Variants in PCDH15 observed in about 807,000 individuals in gnomAD.
The protein encoded by PCDH15 is protocadherin-15.
In PCDH15, 129 loss-of-function variants were observed where a neutral mutation model predicts 178.5. The observed-to-expected ratio is 0.72, with a 90% CI of 0.63 to 0.84. The LOEUF (loss-of-function observed/expected upper bound fraction) is 0.84. PCDH15 is among the 40% of genes least tolerant of loss of function. PCDH15 has a pLI of 0.00. For synonymous variants in PCDH15, 800 were observed against 732.0 expected (o/e 1.09, Z -1.50); for missense variants, 2,230 against 2,099.9 (o/e 1.06, Z -1.21).
intron 1 of PCDH15, among the ~76,000 whole-genome samples, chr10:55,215,075 T>C (rs1840669858): frequency 1.3e-5 from 2 of 152,036 alleles, no homozygotes; most frequent in African/African-American, 2.4e-5. Context: ...TTAAGTAGAG[T>C]TTGAAGTTGA....
intron 25 of PCDH15, among the ~76,000 whole-genome samples, chr10:53,929,461 A>G (rs181410485): frequency 2.3e-3 from 355 of 152,240 alleles, no homozygotes; most frequent in African/African-American, 7.8e-3. Flanking sequence ...AGTTTCTAAA[A>G]CAGTGGCCAT....
At chr10:54,161,264 CATT>C (rs1163965966) in intron 13 of PCDH15, among the ~76,000 whole-genome samples, 8 of 152,094 alleles carry the variant, frequency 5.3e-5, no homozygotes, top group African/African-American at 1.9e-4. Flanking sequence ...GCTACATAAA[CATT>C]ATGCTATTTA....
At chr10:54,522,379 C>T (rs1411231287) in intron 3 of PCDH15, among the ~76,000 whole-genome samples, 1 of 152,198 alleles carries the variant, frequency 6.6e-6, no homozygotes, top group African/African-American at 2.4e-5. Context: ...CAGCTATCTT[C>T]TTGCCATTTC....
At chr10:55,527,420 T>C (rs1841324606) in intron 2 of PCDH15, among the ~76,000 whole-genome samples, 1 of 152,026 alleles carries the variant, frequency 6.6e-6, no homozygotes, top group Admixed American at 6.6e-5. Flanking sequence ...AGTGTCTATG[T>C]CCAAAGTACT....
chr10:54,307,619 C>T (rs1163030045), intron 8 of PCDH15, among the ~76,000 whole-genome samples: 1 of 151,912 alleles, frequency 6.6e-6, no homozygotes, highest in Non-Finnish European at 1.5e-5. Flanking sequence ...GCTCCCCCTC[C>T]CCAAAGTCAT....
intron 8 of PCDH15, among the ~76,000 whole-genome samples, chr10:54,255,960 AACTC>A (rs1208044714): frequency 6.6e-6 from 1 of 152,112 alleles, no homozygotes; most frequent in East Asian, 1.9e-4. Context: ...GAATAACTTA[AACTC>A]CTTATATGAA....
chr10:54,419,690 C>T (rs1954972384), intron 3 of PCDH15, among the ~76,000 whole-genome samples: 1 of 152,100 alleles, frequency 6.6e-6, no homozygotes, highest in South Asian at 2.1e-4. Context: ...CAACAATGTG[C>T]AGTTATTTCT....
chr10:54,416,397 T>TA lies in PCDH15; in HGVS notation c.158-37456dup, dbSNP rs572042173. ...AGTGTTTGGTTTTCTGTTCCTGTGTTAGTTTGTTGGGCATGATATCTTCGA... is the reference window on the plus strand; with the variant it reads ...AGTGTTTGGTTTTCTGTTCCTGTGTTAAGTTTGTTGGGCATGATATCTTCGA... On this transcript the variant is annotated intron_variant, in intron 3 of 37. Coordinates refer to ENST00000644397, the MANE Select transcript of PCDH15 (RefSeq NM_001384140.1). Among the ~76,000 whole-genome samples, 347 of 152,158 alleles carry TA rather than the reference T, an allele frequency of 2.3e-3. 2 individuals are homozygous for TA. Among genetic ancestry groups the TA allele is most frequent in the Middle Eastern group, 6.8e-3 (2 of 294 alleles).
At chr10:53,918,713 AACACACAC>A (rs5741702) in intron 25 of PCDH15, among the ~76,000 whole-genome samples, 7,487 of 146,772 alleles carry the variant, frequency 0.051, 240 homozygotes, top group African/African-American at 0.11. Flanking sequence ...CAAATACACA[AACACACAC>A]ACACACACAC....
intron 2 of PCDH15, among the ~76,000 whole-genome samples, chr10:55,569,046 A>C (rs1327887199): frequency 6.6e-6 from 1 of 152,042 alleles, no homozygotes; most frequent in Non-Finnish European, 1.5e-5. Flanking sequence ...TCCTCCTTTG[A>C]AGAGGCAATA....
At chr10:54,615,188 AAT>A (rs1303361127) in intron 2 of PCDH15, among the ~76,000 whole-genome samples, 1 of 152,056 alleles carries the variant, frequency 6.6e-6, no homozygotes, top group African/African-American at 2.4e-5. Context: ...ACACGCATTA[AAT>A]AAGTGGTAAA....
At chr10:54,755,676 T>A (rs10763139) in intron 1 of PCDH15, among the ~76,000 whole-genome samples, 75,994 of 151,838 alleles carry the variant, frequency 0.5, 19,575 homozygotes, top group Middle Eastern at 0.67. Flanking sequence ...ATTAATCTAA[T>A]CATGCTCATA....
chr10:55,508,191 TA>T (rs1334308596), intron 2 of PCDH15, among the ~76,000 whole-genome samples: 2 of 151,728 alleles, frequency 1.3e-5, no homozygotes, highest in African/African-American at 2.4e-5. Flanking sequence ...TAGCATGACT[TA>T]AGAAAATAAC....
At position 53,921,344 on chromosome 10, in the gene PCDH15, A is replaced by C. The variant is rs76743900; in HGVS notation, c.3373+17471T>G. ...AAGTAATATGCCACCCCTCTACACC[A>C]ACCTTACCAAGCACTTCATTCAACC... is the stretch of plus-strand genomic sequence containing the variant. On this transcript the variant is annotated intron_variant, in intron 25 of 37. Coordinates refer to ENST00000644397, the MANE Select transcript of PCDH15 (RefSeq NM_001384140.1). Among the ~76,000 whole-genome samples the C allele has an allele frequency of 0.016, 2,414 of 152,248 alleles. 145 individuals carry two copies. The East Asian group carries it at 0.18, about 12-fold the overall frequency.
chr10:55,142,488 T>C (rs1320645296), intron 2 of PCDH15, among the ~76,000 whole-genome samples: 3 of 151,498 alleles, frequency 2.0e-5, no homozygotes, highest in Non-Finnish European at 4.4e-5. Context: ...ATAAGTTAAA[T>C]ATATTTTCAG....
At chr10:54,686,160 G>A (rs919819801) in intron 1 of PCDH15, among the ~76,000 whole-genome samples, 1 of 149,822 alleles carries the variant, frequency 6.7e-6, no homozygotes, top group South Asian at 2.1e-4. Flanking sequence ...ACAGGTGTGA[G>A]CCACCGCACT....
intron 6 of PCDH15, among the ~76,000 whole-genome samples, chr10:54,338,304 GA>G (rs5785066): frequency 0.071 from 10,784 of 152,172 alleles, 498 homozygotes; most frequent in African/African-American, 0.12. Context: ...AATGTACCCT[GA>G]AAAGTATTAT....
At chr10:54,074,786 G>A (rs2094309859) in intron 17 of PCDH15, among the ~76,000 whole-genome samples, 1 of 152,044 alleles carries the variant, frequency 6.6e-6, no homozygotes, top group African/African-American at 2.4e-5. Context: ...TTCCACAGTG[G>A]TTGTACCATT....
chr10:55,152,435 T>A (rs11004756), intron 2 of PCDH15, among the ~76,000 whole-genome samples: 55,572 of 152,094 alleles, frequency 0.37, 10,556 homozygotes, highest in Admixed American at 0.46. Context: ...TTCATTTTAA[T>A]GGGTATATAA....
Sources: allele counts gnomAD v4.1 joint callset (sites outside exome capture counted in the v4.1 genomes callset), GRCh38; gene constraint gnomAD v4.1.1; transcripts MANE v1.5; gene names NCBI Gene and HGNC (gene_info 2026-07-23, HGNC 2026-07-21).